ABCB5: variants seen among roughly 807,000 people sequenced by gnomAD.
ABCB5 encodes ATP-binding cassette sub-family B member 5.
In ABCB5, 155 loss-of-function variants were observed where a neutral mutation model predicts 144.2. The observed-to-expected ratio is 1.08, with a 90% CI of 0.94 to 1.23. The LOEUF is 1.23. ABCB5 is among the 50% of genes most tolerant of loss of function. The pLI is 0.00. For synonymous variants in ABCB5, 610 were observed against 528.6 expected, an observed-to-expected ratio of 1.15 and a Z score of -2.11; for missense variants, 1,830 against 1,520.8, an observed-to-expected ratio of 1.20 and a Z score of -3.38.
At chr7:20,681,808 A>C in intron 15 of ABCB5, 142 bp downstream of exon 15, 1 of 930,370 alleles carries the variant, frequency 1.1e-6, no homozygotes. Context: ...AAAGAAATGG[A>C]GTGTTTCAAA....
intron 23 of ABCB5, among the ~76,000 whole-genome samples, chr7:20,735,283 A>G (rs1210422855): frequency 6.6e-6 from 1 of 152,180 alleles, no homozygotes; most frequent in Non-Finnish European, 1.5e-5. Context: ...ACCACATTGT[A>G]TTTCCAATAA....
intron 14 of ABCB5, among the ~76,000 whole-genome samples, chr7:20,664,963 G>A (rs1204689931): frequency 6.6e-6 from 1 of 152,114 alleles, no homozygotes; most frequent in African/African-American, 2.4e-5. Context: ...GTTCAATGAA[G>A]AGAAAAGGTA....
At chr7:20,633,591 A>G (rs1784086171) in intron 5 of ABCB5, among the ~76,000 whole-genome samples, 1 of 152,156 alleles carries the variant, frequency 6.6e-6, no homozygotes, top group South Asian at 2.1e-4. Flanking sequence ...CATTATCTCA[A>G]ACATTTGTCG....
At chr7:20,691,168 CTTTTTTTTTTTTT>C (rs58696871) in intron 16 of ABCB5, among the ~76,000 whole-genome samples, 618 of 46,148 alleles carry the variant, frequency 0.013, 18 homozygotes, top group African/African-American at 0.04. Flanking sequence ...ACCCAGTGGA[CTTTTTTTTTTTTT>C]TTTTTTTTTT....
intron 23 of ABCB5, among the ~76,000 whole-genome samples, chr7:20,737,829 T>C (rs1782436878): frequency 6.6e-6 from 1 of 152,232 alleles, no homozygotes; most frequent in Non-Finnish European, 1.5e-5. Context: ...ATCAAATAAT[T>C]CAAATGGCAT....
chr7:20,750,393 C>T (rs1463836416), intron 26 of ABCB5, among the ~76,000 whole-genome samples: 2 of 151,406 alleles, frequency 1.3e-5, no homozygotes, highest in Admixed American at 1.3e-4. Flanking sequence ...TACACACACA[C>T]ACACACACAC....
Position 20,756,918 on chromosome 7 carries a change from T to A in ABCB5, c.*1294T>A, listed in dbSNP as rs1429058859. ...GCCTCCCTAAAGTGTACTCTACCAA[T>A]AATTGAAATCTTGTTAAACAAAATT... On this transcript the variant is annotated 3_prime_UTR_variant, in exon 28 of 28. Coordinates refer to ENST00000404938, the MANE Select transcript of ABCB5 (RefSeq NM_001163941.2). 1 of 152,332 alleles carries A rather than the reference T, an allele frequency of 6.6e-6. No homozygotes were observed. Among genetic ancestry groups the A allele is most frequent in the Non-Finnish European group, 1.5e-5 (1 of 68,034 alleles). 9.4% of individuals were successfully genotyped at this position (152,332 alleles called of 1,614,324 possible).
At position 20,755,903 on chromosome 7, in the gene ABCB5, A is replaced by T. The variant is rs569093487; in HGVS notation, c.*279A>T. The T allele has an allele frequency of 3.1e-5, 11 of 354,074 alleles. 1 individual carries two copies. The South Asian group carries it at 4.4e-4, about 14-fold the overall frequency. The allele number at this position is 354,074 out of a possible 1,614,324, so 21.9% of individuals were successfully genotyped here. A position where few individuals can be genotyped will look rare whatever the true frequency, so the allele number is the denominator to read the frequency against. The stretch of plus-strand genomic sequence containing the variant: ...TGTAAAGCAGTTTTCTACAAGGTGA[A>T]TTTATTTCCCATCAACTTCTGCTAT... On this transcript the variant is annotated 3_prime_UTR_variant, in exon 28 of 28. Transcript: ENST00000404938.
At position 20,643,727 on chromosome 7, in the gene ABCB5, G is replaced by A. The variant is rs978959102; in HGVS notation, c.678+95G>A. The A allele has an allele frequency of 2.0e-5, 27 of 1,357,240 alleles. 1 individual carries two copies. The highest frequency in any genetic ancestry group is 4.3e-5 in the Admixed American group (2 of 46,436). 84.1% of individuals were successfully genotyped at this position (1,357,240 alleles called of 1,614,324 possible). On this transcript the variant is annotated intron_variant, in intron 7 of 27. Coordinates refer to ENST00000404938, the MANE Select transcript of ABCB5 (RefSeq NM_001163941.2). ...TCAAAAATGGCTTTTCTATTCACTT[G>A]CCATGTCCCAAACTACAAAGGGATA...
chr7:20,705,851 C>T (rs956794872), intron 20 of ABCB5, among the ~76,000 whole-genome samples: 1 of 151,140 alleles, frequency 6.6e-6, no homozygotes, highest in Non-Finnish European at 1.5e-5. Context: ...TAATATACAT[C>T]GGCAAGATCG....
intron 24 of ABCB5, among the ~76,000 whole-genome samples, chr7:20,741,007 G>A (rs1387769128): frequency 6.6e-6 from 1 of 151,504 alleles, no homozygotes; most frequent in East Asian, 1.9e-4. Flanking sequence ...GGAGGCCGAG[G>A]CAGGAGGATC....
At chr7:20,711,867 TCCC>T (rs1562573926) in intron 20 of ABCB5, among the ~76,000 whole-genome samples, 414 of 31,754 alleles carry the variant, frequency 0.013, 37 homozygotes, top group East Asian at 0.076. Context: ...CTTTCCTTCC[TCCC>T]TCCCTCCCTC....
At chr7:20,717,883 CTTTTTTTTTTTTTTTT>C (rs574592723) in intron 20 of ABCB5, among the ~76,000 whole-genome samples, 52 of 43,268 alleles carry the variant, frequency 1.2e-3, no homozygotes, top group African/African-American at 2.2e-3. Context: ...TTGTAACATT[CTTTTTTTTTTTTTTTT>C]TTTTTTTTTT....
At chr7:20,638,418 T>A (rs1442599903) in intron 5 of ABCB5, among the ~76,000 whole-genome samples, 1 of 152,224 alleles carries the variant, frequency 6.6e-6, no homozygotes, top group Non-Finnish European at 1.5e-5. Flanking sequence ...TGCAACTTAA[T>A]GATTTTTAGT....
At chr7:20,637,825 C>G (rs1477721302) in intron 5 of ABCB5, among the ~76,000 whole-genome samples, 1 of 152,164 alleles carries the variant, frequency 6.6e-6, no homozygotes, top group Non-Finnish European at 1.5e-5. Context: ...GCAAACTAGA[C>G]AGCCAACTCC....
intron 26 of ABCB5, among the ~76,000 whole-genome samples, chr7:20,751,992 T>TAGAC (rs1023676873): frequency 1.3e-5 from 2 of 152,184 alleles, no homozygotes; most frequent in Non-Finnish European, 2.9e-5. Context: ...TGAGATGACG[T>TAGAC]AGACACATTT....
chr7:20,699,835 A>G lies in ABCB5; in HGVS notation c.2165A>G (p.Asn722Ser). ...TCTGTTCCTTTTCAGATGTTTGGAA[A>G]TAATGATAAAACCACATTAAAGCAT... Reference protein sequence around the residue: ...IFAKIITMFGNNDKTTLKHDA... With the variant: ...IFAKIITMFGSNDKTTLKHDA... The change falls in exon 18 of 28, where the codon AAT becomes AGT. Residue 722 changes from asparagine (N) to serine (S), a missense_variant. Transcript: ENST00000404938. 1 of 1,599,700 alleles carries G rather than the reference A, an allele frequency of 6.3e-7. No individual in the cohort carries two copies. The highest frequency in any genetic ancestry group is 8.5e-7 in the Non-Finnish European group (1 of 1,172,002).
chr7:20,687,615 A>G (rs1355518239), intron 16 of ABCB5, among the ~76,000 whole-genome samples: 1 of 152,246 alleles, frequency 6.6e-6, no homozygotes, highest in African/African-American at 2.4e-5. Context: ...AAAGTGTCCT[A>G]CAACCAAGAA....
intron 20 of ABCB5, among the ~76,000 whole-genome samples, chr7:20,714,523 T>C (rs1290484811): frequency 6.6e-6 from 1 of 152,194 alleles, no homozygotes; most frequent in Admixed American, 6.5e-5. Flanking sequence ...CAAGAGTCTC[T>C]TATTTTCTGT....
Sources: gnomAD v4.1 joint callset for allele counts (sites outside exome capture counted in the v4.1 genomes callset) on GRCh38, gnomAD v4.1.1 for gene constraint, MANE v1.5 for transcripts, NCBI Gene and HGNC (gene_info 2026-07-23, HGNC 2026-07-21) for gene names.